The following CLDND2 variants were observed in gnomAD, a reference collection of about 807,000 sequenced individuals.
CLDND2 encodes claudin domain-containing protein 2.
CLDND2 carries 18 observed loss-of-function variants against 17.7 expected under a neutral mutation model. That is an observed-to-expected ratio of 1.02 (90% CI 0.70 to 1.51). CLDND2 has a LOEUF of 1.51. CLDND2 is among the 40% of genes most tolerant of loss of function. CLDND2 has a pLI of 0.00. For synonymous variants in CLDND2, 113 were observed against 93.0 expected (o/e 1.22, Z -1.24); for missense variants, 233 against 219.6 (o/e 1.06, Z -0.39).
chr19:51,367,975 A>G lies in CLDND2; in HGVS notation c.221T>C (p.Val74Ala), dbSNP rs140994018. The change falls in exon 2 of 4, where the codon GTG (valine) becomes GCG (alanine). Residue 74 changes from valine (V) to alanine (A), a missense_variant. Val to Ala is a moderately conservative substitution (Grantham distance 64). Transcript: ENST00000291715. This position sits in a 1 kb window ranked among gnomAD's most constrained non-coding sequence, Gnocchi z 7.4. ...CCGCAGTCCCATCACCATGCCCACC[A>G]CGCCGACACCCACCGCCAGCACCAT... is the stretch of plus-strand genomic sequence containing the variant. ...ACMVLAVGVG[V>A]VGMVMGLRIR... The G allele has an allele frequency of 2.4e-5, 38 of 1,611,528 alleles. No homozygotes were observed. The African/African-American group carries it at 4.1e-4, about 18-fold the overall frequency.
Position 51,367,734 on chromosome 19 carries a change from C to G in CLDND2, c.310+152G>C. The stretch of plus-strand genomic sequence containing the variant: ...CTTCCTGCTCCTCCCGCTCTGAACT[C>G]TGTCTCGAGCCCCGCCCACCTCTCT... On this transcript the variant is annotated intron_variant, in intron 2 of 3. Coordinates refer to ENST00000291715, the MANE Select transcript of CLDND2 (RefSeq NM_152353.3). This position sits in a 1 kb window ranked among gnomAD's most constrained non-coding sequence, Gnocchi z 7.4. The G allele has an allele frequency of 6.8e-7, 1 of 1,475,572 alleles. No individual in the cohort carries two copies. Among genetic ancestry groups the G allele is most frequent in the Non-Finnish European group, 9.0e-7 (1 of 1,116,332 alleles). 91.4% of individuals were successfully genotyped at this position (1,475,572 alleles called of 1,614,324 possible). A position where few individuals can be genotyped will look rare whatever the true frequency, so the allele number is the denominator to read the frequency against.
chr19:51,367,691 C>A lies in CLDND2; in HGVS notation c.311-115G>T. On this transcript the variant is annotated intron_variant, in intron 2 of 3. Coordinates refer to ENST00000291715, the MANE Select transcript of CLDND2 (RefSeq NM_152353.3). This position sits in a 1 kb window ranked among gnomAD's most constrained non-coding sequence, Gnocchi z 7.4. ...AGACCACGCCTATCGCCTCTCAGCC[C>A]GCCCCTGGCCCAGGCCCCTTCCTGC... The A allele has an allele frequency of 1.3e-6, 2 of 1,493,262 alleles. No homozygotes were observed. Among genetic ancestry groups the A allele is most frequent in the Non-Finnish European group, 1.8e-6 (2 of 1,121,644 alleles). 92.5% of individuals were successfully genotyped at this position (1,493,262 alleles called of 1,614,324 possible).
Position 51,368,555 on chromosome 19 carries a change from T to C in CLDND2, c.23A>G (p.Gln8Arg), listed in dbSNP as rs1397526552. The change falls in exon 1 of 4, where the codon CAG (glutamine) becomes CGG (arginine). Residue 8 changes from glutamine (Q) to arginine (R), a missense_variant. Coordinates refer to ENST00000291715, the MANE Select transcript of CLDND2 (RefSeq NM_152353.3). The stretch of plus-strand genomic sequence containing the variant: ...GAGGCTGAGCAGAATGCCCCCACTC[T>C]GGAGGCTCCGCTTCACCCCCATGCC... MGVKRSLQSGGILLSLVA... is the reference protein window; with the variant it reads MGVKRSLRSGGILLSLVA... The C allele has an allele frequency of 1.9e-6, 3 of 1,613,566 alleles. No homozygotes were observed. The highest frequency in any genetic ancestry group is 2.2e-5 in the South Asian group (2 of 91,066).
At chr19:51,368,111 T>G (rs1986507675) in intron 1 of CLDND2, 85 bp from the exon 2 acceptor site, 1 of 1,411,296 alleles carries the variant, frequency 7.1e-7, no homozygotes, top group Admixed American at 2.1e-5. Context: ...TCCCGTCTCC[T>G]GCCCCCAACC....
At position 51,367,882 on chromosome 19, in the gene CLDND2, T is replaced by A; in HGVS notation, c.310+4A>T. ...TGCCCGCCTGGGGCGGTCTGCAGTC[T>A]CACCGCCGAGGAAGAGGAAGGCGCT... On this transcript the variant is annotated splice_donor_region_variant and intron_variant, in intron 2 of 3. Coordinates refer to ENST00000291715, the MANE Select transcript of CLDND2 (RefSeq NM_152353.3). This position sits in a 1 kb window ranked among gnomAD's most constrained non-coding sequence, Gnocchi z 7.4. The A allele has an allele frequency of 1.9e-6, 3 of 1,609,830 alleles. No homozygotes were observed. Among genetic ancestry groups the A allele is most frequent in the Non-Finnish European group, 2.5e-6 (3 of 1,179,532 alleles).
At position 51,367,756 on chromosome 19, in the gene CLDND2, C is replaced by T; in HGVS notation, c.310+130G>A. The T allele has an allele frequency of 9.5e-6, 14 of 1,479,510 alleles. No individual in the cohort carries two copies. The highest frequency in any genetic ancestry group is 1.3e-5 in the South Asian group (1 of 74,356). 91.6% of individuals were successfully genotyped at this position (1,479,510 alleles called of 1,614,324 possible). ...ACTCTGTCTCGAGCCCCGCCCACCT[C>T]TCTCGGCTTCTTCCAGCCCTGCCCC... is the stretch of plus-strand genomic sequence containing the variant. On this transcript the variant is annotated intron_variant, in intron 2 of 3. Coordinates refer to ENST00000291715, the MANE Select transcript of CLDND2 (RefSeq NM_152353.3). This position sits in a 1 kb window ranked among gnomAD's most constrained non-coding sequence, Gnocchi z 7.4.
downstream of CLDND2, chr19:51,367,023 A>G (rs558821659): frequency 1.1e-4 from 97 of 887,464 alleles, 1 homozygote; most frequent in East Asian, 2.1e-3. The surrounding 1 kb of genome is among the most constrained non-coding windows in gnomAD (Gnocchi z 7.4). Context: ...TCATGTCCTT[A>G]TGTCTTCCCT....
rs1400103954 is a variant in CLDND2 at position 51,368,402 on chromosome 19, G to A, written c.169+7C>T. On this transcript the variant is annotated splice_region_variant and intron_variant, in intron 1 of 3. Transcript: ENST00000291715. ...GCCCTCTGACATCTGGGCGGGCGGA[G>A]CCTCACTCTGGCAGGGGATGCTGGA... The A allele has an allele frequency of 6.2e-7, 1 of 1,608,708 alleles. No individual in the cohort carries two copies. The highest frequency in any genetic ancestry group is 2.2e-5 in the East Asian group (1 of 44,844).
At position 51,367,259 on chromosome 19, in the gene CLDND2, T is replaced by A. The variant is rs1259926035; in HGVS notation, c.431-44A>T. On this transcript the variant is annotated intron_variant, in intron 3 of 3. Transcript: ENST00000291715. The surrounding 1 kb of genome is among the most constrained non-coding windows in gnomAD (Gnocchi z 7.4). ...GGAGCAGGGAGAGGAAGGTGGGCCCTGGGGCGGATGGCCGGGAGGGCCCCG... is the reference window on the plus strand; with the variant it reads ...GGAGCAGGGAGAGGAAGGTGGGCCCAGGGGCGGATGGCCGGGAGGGCCCCG... 1 of 1,540,492 alleles carries A rather than the reference T, an allele frequency of 6.5e-7. No homozygotes were observed. The highest frequency in any genetic ancestry group is 9.0e-7 in the Non-Finnish European group (1 of 1,114,580).
At position 51,367,961 on chromosome 19, in the gene CLDND2, TCACCATGCC is replaced by T; in HGVS notation, c.226_234del (p.Gly76_Val78del). 1 of 1,612,700 alleles carries T rather than the reference TCACCATGCC, an allele frequency of 6.2e-7. No individual in the cohort carries two copies. Among genetic ancestry groups the T allele is most frequent in the Non-Finnish European group, 8.5e-7 (1 of 1,179,482 alleles). On this transcript the variant is annotated inframe_deletion, in exon 2 of 4. Coordinates refer to ENST00000291715, the MANE Select transcript of CLDND2 (RefSeq NM_152353.3). This position sits in a 1 kb window ranked among gnomAD's most constrained non-coding sequence, Gnocchi z 7.4. Reference sequence around the variant, plus strand: ...TCGTCGCACCGAATCCGCAGTCCCATCACCATGCCCACCACGCCGACACCCACCGCCAGC... The same window carrying T: ...TCGTCGCACCGAATCCGCAGTCCCATCACCACGCCGACACCCACCGCCAGC...
At chr19:51,367,073 G>A, downstream of CLDND2, 21 of 1,502,074 alleles carry the variant, frequency 1.4e-5, no homozygotes, top group Non-Finnish European at 1.9e-5. This position sits in a 1 kb window ranked among gnomAD's most constrained non-coding sequence, Gnocchi z 7.4. Context: ...CCCACGACCC[G>A]CAGAAAAGCA....
Position 51,368,036 on chromosome 19 carries a change from G to GC in CLDND2, c.170-11dup. ...GTCACCGCCAGCGTGGCTGGGGAGA[G>GC]CGGGCGCATCAGCCCCCGCGGGCGC... is the stretch of plus-strand genomic sequence containing the variant. On this transcript the variant is annotated splice_polypyrimidine_tract_variant and intron_variant, in intron 1 of 3. Coordinates refer to ENST00000291715, the MANE Select transcript of CLDND2 (RefSeq NM_152353.3). 1.2e-6 allele frequency: 2 copies of GC among 1,600,282 alleles called. No homozygotes were observed. The highest frequency in any genetic ancestry group is 1.7e-6 in the Non-Finnish European group (2 of 1,174,700).
rs544524401 is a variant in CLDND2 at position 51,367,672 on chromosome 19, C to T, written c.311-96G>A. 1.3e-6 allele frequency: 2 copies of T among 1,509,340 alleles called. No individual in the cohort carries two copies. The highest frequency in any genetic ancestry group is 2.5e-5 in the East Asian group (1 of 40,768). The allele number at this position is 1,509,340 out of a possible 1,614,324, so 93.5% of individuals were successfully genotyped here. A position where few individuals can be genotyped will look rare whatever the true frequency, so the allele number is the denominator to read the frequency against. On this transcript the variant is annotated intron_variant, in intron 2 of 3. Transcript: ENST00000291715. This position sits in a 1 kb window ranked among gnomAD's most constrained non-coding sequence, Gnocchi z 7.4. ...AGACCCGCCCCCTTCTATCAGACCA[C>T]GCCTATCGCCTCTCAGCCCGCCCCT...
chr19:51,367,523 T>C lies in CLDND2; in HGVS notation c.364A>G (p.Asn122Asp). ...TAGGACCAAGAGAAGAAGACGTTGT[T>C]CTTCCACGCATTCTTCACGGTGTAG... ...IGYTVKNAWKNNVFFSWSYFS... is the reference protein window; with the variant it reads ...IGYTVKNAWKDNVFFSWSYFS... The change falls in exon 3 of 4, where the codon AAC (asparagine) becomes GAC (aspartate). Residue 122 changes from asparagine to aspartate, a missense_variant. Asn to Asp is a conservative substitution (Grantham distance 23). Coordinates refer to ENST00000291715, the MANE Select transcript of CLDND2 (RefSeq NM_152353.3). This position sits in a 1 kb window ranked among gnomAD's most constrained non-coding sequence, Gnocchi z 7.4. The C allele has an allele frequency of 6.2e-7, 1 of 1,611,488 alleles. No homozygotes were observed. Among genetic ancestry groups the C allele is most frequent in the Non-Finnish European group, 8.5e-7 (1 of 1,178,862 alleles).
In CLDND2 at chr19:51,367,545, G is replaced by A; in HGVS notation, c.342C>T (p.Tyr114=). The A allele has an allele frequency of 4.3e-6, 7 of 1,612,206 alleles. No individual in the cohort carries two copies. The highest frequency in any genetic ancestry group is 5.9e-6 in the Non-Finnish European group (7 of 1,179,224). The part of the protein sequence containing the change: ...GLLLLTALIG[Y]TVKNAWKNNV... Reference sequence around the variant, plus strand: ...TGTTCTTCCACGCATTCTTCACGGTGTAGCCTATCAAGGCGGTCAGCAGCA... The same window carrying A: ...TGTTCTTCCACGCATTCTTCACGGTATAGCCTATCAAGGCGGTCAGCAGCA... The change falls in exon 3 of 4, where the codon TAC becomes TAT. Residue 114 remains tyrosine (Y), a synonymous_variant. Coordinates refer to ENST00000291715, the MANE Select transcript of CLDND2 (RefSeq NM_152353.3). This position sits in a 1 kb window ranked among gnomAD's most constrained non-coding sequence, Gnocchi z 7.4.
In CLDND2 at chr19:51,367,961, T is replaced by A; in HGVS notation, c.235A>T (p.Met79Leu). ...TCGTCGCACCGAATCCGCAGTCCCA[T>A]CACCATGCCCACCACGCCGACACCC... ...AVGVGVVGMV[M>L]GLRIRCDEGE... Residue 79 changes from methionine (M) to leucine (L), a missense_variant, in exon 2 of 4, where the codon ATG (methionine) becomes TTG (leucine). By Grantham distance (15) the Met-to-Leu change is conservative (BLOSUM62 2). Coordinates refer to ENST00000291715, the MANE Select transcript of CLDND2 (RefSeq NM_152353.3). This position sits in a 1 kb window ranked among gnomAD's most constrained non-coding sequence, Gnocchi z 7.4. 6.2e-7 allele frequency: 1 copy of A among 1,612,700 alleles called. No homozygotes were observed. The highest frequency in any genetic ancestry group is 8.5e-7 in the Non-Finnish European group (1 of 1,179,482).
Position 51,367,829 on chromosome 19 carries a change from C to T in CLDND2, c.310+57G>A. On this transcript the variant is annotated intron_variant, in intron 2 of 3. Coordinates refer to ENST00000291715, the MANE Select transcript of CLDND2 (RefSeq NM_152353.3). This position sits in a 1 kb window ranked among gnomAD's most constrained non-coding sequence, Gnocchi z 7.4. ...AAGCCCCTCCCCTGGCGACCAGGCC[C>T]CTCCATCACCCAGGGCCCGCCCCTG... is the stretch of plus-strand genomic sequence containing the variant. 1 of 1,585,730 alleles carries T rather than the reference C, an allele frequency of 6.3e-7. No homozygotes were observed. The highest frequency in any genetic ancestry group is 8.5e-7 in the Non-Finnish European group (1 of 1,170,816).
chr19:51,368,018 C>A lies in CLDND2; in HGVS notation c.178G>T (p.Ala60Ser). The change falls in exon 2 of 4, where the codon GCG becomes TCG. Residue 60 changes from alanine (A) to serine (S), a missense_variant. By Grantham distance (99) the Ala-to-Ser change is moderately conservative. Transcript: ENST00000291715. ...AGCACCATGCACGCCACAGTCACCG[C>A]CAGCGTGGCTGGGGAGAGCGGGCGC... Reference protein sequence around the residue: ...CSSIPCQTTLAVTVACMVLAV... With the variant: ...CSSIPCQTTLSVTVACMVLAV... 6.2e-7 allele frequency: 1 copy of A among 1,609,398 alleles called. No individual in the cohort carries two copies. Among genetic ancestry groups the A allele is most frequent in the South Asian group, 1.1e-5 (1 of 90,572 alleles).
Position 51,367,778 on chromosome 19 carries a change from CCCCTCGGATCCTG to C in CLDND2, c.310+95_310+107del. 6.7e-7 allele frequency: 1 copy of C among 1,494,136 alleles called. No individual in the cohort carries two copies. The highest frequency in any genetic ancestry group is 8.9e-7 in the Non-Finnish European group (1 of 1,125,564). The allele number at this position is 1,494,136 out of a possible 1,614,324, so 92.6% of individuals were successfully genotyped here. ...CCTCTCTCGGCTTCTTCCAGCCCTG[CCCCTCGGATCCTG>C]GCCGAGTACCTCAAGCCCCTCCCCT... On this transcript the variant is annotated intron_variant, in intron 2 of 3. Coordinates refer to ENST00000291715, the MANE Select transcript of CLDND2 (RefSeq NM_152353.3). This position sits in a 1 kb window ranked among gnomAD's most constrained non-coding sequence, Gnocchi z 7.4.
Sources: allele counts gnomAD v4.1 joint callset, GRCh38; gene constraint gnomAD v4.1.1; non-coding constraint Gnocchi (gnomAD v3.1); transcripts MANE v1.5; gene names NCBI Gene and HGNC (gene_info 2026-07-23, HGNC 2026-07-21).